Variants in PCDH7 observed in about 807,000 individuals in gnomAD.
The protein encoded by PCDH7 is protocadherin-7.
In PCDH7, 17 loss-of-function variants were observed where a neutral mutation model predicts 58.9. That is an observed-to-expected ratio of 0.29 (90% CI 0.20 to 0.43). PCDH7 has a LOEUF of 0.43. Ranked by LOEUF, PCDH7 falls within the 20% of genes least tolerant of loss-of-function variation. The pLI is 1.00. For synonymous variants in PCDH7, 664 were observed against 616.4 expected (o/e 1.08, Z -1.14); for missense variants, 1,274 against 1,441.0 (o/e 0.88, Z 1.88).
rs1288993583 is a variant in PCDH7 at position 30,911,658 on chromosome 4, TG to T, written c.71-8493del. On this transcript the variant is annotated intron_variant, in intron 1 of 3. Coordinates refer to the PCDH7 transcript ENST00000509759. ...TACATTAACTAAGAGTTTTAGGCTT[TG>T]GCTATTCTGTTTCCTGACATTTTTC... is the stretch of plus-strand genomic sequence containing the variant. Among the ~76,000 whole-genome samples, 5 of 152,320 alleles carry T rather than the reference TG, an allele frequency of 3.3e-5. No individual in the cohort carries two copies. In the East Asian group the frequency reaches 9.6e-4, roughly 29 times the overall value.
rs569390710 is a variant in PCDH7 at position 31,093,799 on chromosome 4, T to G, written c.*8-48674T>G. 2.6e-5 allele frequency among the ~76,000 whole-genome samples: 4 copies of G among 152,236 alleles called. No individual in the cohort carries two copies. The South Asian group carries it at 8.3e-4, about 32-fold the overall frequency. ...GAGCCAAAGCGTCACTTCTTTCCTC[T>G]ATCTTTTTTTGAGGATTAAGTGAAA... On this transcript the variant is annotated intron_variant, in intron 3 of 3. Coordinates refer to the PCDH7 transcript ENST00000509759.
chr4:31,062,502 T>A (rs894553088), intron 3 of PCDH7, among the ~76,000 whole-genome samples: 4 of 151,908 alleles, frequency 2.6e-5, no homozygotes, highest in East Asian at 1.9e-4. Context: ...AATGCAAAAA[T>A]TAATAATCAG....
chr4:31,089,398 T>C (rs1183224136), intron 3 of PCDH7, among the ~76,000 whole-genome samples: 1 of 152,070 alleles, frequency 6.6e-6, no homozygotes. Context: ...TTTACCAAAA[T>C]ATAAAATGCC....
chr4:31,040,146 G>A (rs1175764087), intron 3 of PCDH7, among the ~76,000 whole-genome samples: 1 of 152,102 alleles, frequency 6.6e-6, no homozygotes, highest in Non-Finnish European at 1.5e-5. Flanking sequence ...GATGTATACT[G>A]CAGTGTGTCT....
chr4:31,009,176 A>G lies in PCDH7; in HGVS notation c.*7+58961A>G, dbSNP rs530490976. On this transcript the variant is annotated intron_variant, in intron 3 of 3. Coordinates refer to the PCDH7 transcript ENST00000509759. ...GGAAATATTGTGTAATGTTTTATTT[A>G]TTGTAAATGTAAAATGGCAGATCAG... 2.0e-5 allele frequency among the ~76,000 whole-genome samples: 3 copies of G among 152,232 alleles called. No homozygotes were observed. The South Asian group carries it at 6.2e-4, about 32-fold the overall frequency.
intron 1 of PCDH7, among the ~76,000 whole-genome samples, chr4:30,758,957 T>TTTG (rs1719678752): frequency 6.9e-6 from 1 of 144,858 alleles, no homozygotes; most frequent in African/African-American, 2.6e-5. Flanking sequence ...TTTTTTTTTT[T>TTTG]TTGTGATACA....
In PCDH7 at chr4:31,060,950, G is replaced by A. The variant is rs139473383; in HGVS notation, c.*8-81523G>A. Among the ~76,000 whole-genome samples the A allele has an allele frequency of 4.0e-5, 6 of 151,816 alleles. No individual in the cohort carries two copies. The East Asian group carries it at 9.7e-4, about 24-fold the overall frequency. ...GTTTTCATTATTCTCAGTAAAACAA[G>A]ATGGGTTGTTAAGTAACTTGCTCAA... On this transcript the variant is annotated intron_variant, in intron 3 of 3. Transcript: ENST00000509759.
At chr4:30,944,358 G>T (rs1330089593) in intron 2 of PCDH7, among the ~76,000 whole-genome samples, 1 of 151,892 alleles carries the variant, frequency 6.6e-6, no homozygotes, top group Non-Finnish European at 1.5e-5. Context: ...TGAATTTATT[G>T]TGACTATTTT....
intron 3 of PCDH7, among the ~76,000 whole-genome samples, chr4:30,964,221 GT>G (rs1415535776): frequency 4.8e-5 from 7 of 146,070 alleles, no homozygotes; most frequent in African/African-American, 1.8e-4. Flanking sequence ...AGCAGTAGTA[GT>G]TTTATTTATT....
chr4:30,803,762 C>T (rs1279546079), intron 1 of PCDH7, among the ~76,000 whole-genome samples: 1 of 152,110 alleles, frequency 6.6e-6, no homozygotes, highest in African/African-American at 2.4e-5. Flanking sequence ...TGATGTAGTA[C>T]TGTGGATGAC....
At chr4:30,731,124 G>T (rs1434291430) in exon 2 of PCDH7, 1 of 1,033,340 alleles carries the variant, frequency 9.7e-7, no homozygotes, top group African/African-American at 1.7e-5. Context: ...ATAAGTTTGA[G>T]ACTTTGTGTG....
Position 30,775,765 on chromosome 4 carries a change from C to T in PCDH7, c.70+51169C>T, listed in dbSNP as rs540641123. On this transcript the variant is annotated intron_variant, in intron 1 of 3. Coordinates refer to the PCDH7 transcript ENST00000509759. ...TATAAAAATTAGCCAGGCATGGTGA[C>T]GCGTATCTGTAATCCCAGCTACTCG... Among the ~76,000 whole-genome samples, 12 of 152,116 alleles carry T rather than the reference C, an allele frequency of 7.9e-5. No homozygotes were observed. In the South Asian group the frequency reaches 1.2e-3, roughly 16 times the overall value.
chr4:30,774,569 G>A lies in PCDH7; in HGVS notation c.70+49973G>A, dbSNP rs539696718. The stretch of plus-strand genomic sequence containing the variant: ...GCACAACAGAAGCCGGGGTATTGCA[G>A]TGAACAAGAAAGAGTGACCCTTGGC... On this transcript the variant is annotated intron_variant, in intron 1 of 3. Transcript: ENST00000509759. Among the ~76,000 whole-genome samples the A allele has an allele frequency of 1.6e-4, 25 of 152,306 alleles. No homozygotes were observed. The South Asian group carries it at 3.1e-3, about 19-fold the overall frequency.
At position 30,721,990 on chromosome 4, in the gene PCDH7, G is replaced by C; in HGVS notation, c.568G>C (p.Gly190Arg). 1 of 1,301,750 alleles carries C rather than the reference G, an allele frequency of 7.7e-7. No individual in the cohort carries two copies. The highest frequency in any genetic ancestry group is 2.3e-5 in the South Asian group (1 of 43,544). 80.6% of individuals were successfully genotyped at this position (1,301,750 alleles called of 1,614,324 possible). Residue 190 changes from glycine to arginine, a missense_variant, in exon 1 of 2, where the codon GGC (glycine) becomes CGC (arginine). Physicochemically the swap from Gly to Arg is moderately radical, Grantham distance 125. Coordinates refer to ENST00000361762, the Ensembl canonical transcript of PCDH7. This position sits in a 1 kb window ranked among gnomAD's most constrained non-coding sequence, Gnocchi z 6.7. ...GCTGCTCCAGGAGCCCGGAGGCGGCGGCAGCGGCGGCGAGAGCCGGCGCGC... is the reference window on the plus strand; with the variant it reads ...GCTGCTCCAGGAGCCCGGAGGCGGCCGCAGCGGCGGCGAGAGCCGGCGCGC...
At chr4:31,040,587 AG>A (rs1481601971) in intron 3 of PCDH7, among the ~76,000 whole-genome samples, 1 of 152,234 alleles carries the variant, frequency 6.6e-6, no homozygotes, top group East Asian at 1.9e-4. Flanking sequence ...ACCATTAATC[AG>A]AAACTAAAAA....
intron 3 of PCDH7, among the ~76,000 whole-genome samples, chr4:31,028,823 A>G (rs1240193535): frequency 6.6e-6 from 1 of 152,186 alleles, no homozygotes; most frequent in Non-Finnish European, 1.5e-5. Flanking sequence ...ATTCTAGAAT[A>G]ATTTGAGGCT....
chr4:30,918,277 T>C lies in PCDH7; in HGVS notation c.71-1876T>C, dbSNP rs1237825675. Among the ~76,000 whole-genome samples, 6 of 152,224 alleles carry C rather than the reference T, an allele frequency of 3.9e-5. No individual in the cohort carries two copies. In the East Asian group the frequency reaches 9.7e-4, roughly 25 times the overall value. ...TGTGGTTTTAGGAGACTGTCAGTGG[T>C]CTCATTTCCAAGGTGAGACCAAAAA... On this transcript the variant is annotated intron_variant, in intron 1 of 3. Coordinates refer to the PCDH7 transcript ENST00000509759.
chr4:30,987,321 T>C (rs13138590), intron 3 of PCDH7, among the ~76,000 whole-genome samples: 1 of 151,578 alleles, frequency 6.6e-6, no homozygotes, highest in East Asian at 2.0e-4. Context: ...TTGAAAATCT[T>C]TTTTTTTTCT....
At chr4:30,992,778 G>GACT (rs1385236523) in intron 3 of PCDH7, among the ~76,000 whole-genome samples, 2 of 150,322 alleles carry the variant, frequency 1.3e-5, no homozygotes, top group Non-Finnish European at 3.0e-5. Context: ...GGCCAAGGAG[G>GACT]ACTACTGTCC....
Sources: gnomAD v4.1 joint callset for allele counts (sites outside exome capture counted in the v4.1 genomes callset) on GRCh38, gnomAD v4.1.1 for gene constraint, Gnocchi (gnomAD v3.1) non-coding constraint, MANE v1.5 for transcripts, NCBI Gene and HGNC (gene_info 2026-07-23, HGNC 2026-07-21) for gene names.